GALNT2: variants seen among roughly 807,000 people sequenced by gnomAD.
GALNT2 encodes polypeptide N-acetylgalactosaminyltransferase 2.
GALNT2 carries 31 observed loss-of-function variants against 81.4 expected under a neutral mutation model. The observed-to-expected ratio is 0.38, with a 90% CI of 0.29 to 0.51. The LOEUF (loss-of-function observed/expected upper bound fraction) is 0.51. Ranked by LOEUF, GALNT2 falls within the 20% of genes least tolerant of loss-of-function variation. GALNT2 has a pLI of 0.87. For synonymous variants in GALNT2, 303 were observed against 287.4 expected, an observed-to-expected ratio of 1.05 and a Z score of -0.55; for missense variants, 629 against 765.7, an observed-to-expected ratio of 0.82 and a Z score of 2.11.
intron 3 of GALNT2, among the ~76,000 whole-genome samples, chr1:230,211,787 T>C (rs1254376591): frequency 6.6e-6 from 1 of 151,858 alleles, no homozygotes; most frequent in Admixed American, 6.6e-5. Context: ...AATAAAAAAT[T>C]TTATTTACTC....
chr1:230,144,393 A>G (rs1348136324), intron 1 of GALNT2, among the ~76,000 whole-genome samples: 1 of 152,370 alleles, frequency 6.6e-6, no homozygotes, highest in East Asian at 1.9e-4. Flanking sequence ...AGAGGATCAC[A>G]GAGCCAGCGT....
intron 2 of GALNT2, among the ~76,000 whole-genome samples, chr1:230,185,301 T>TGCGCGCGCGC (rs58067663): frequency 1.5e-3 from 183 of 126,116 alleles, no homozygotes; most frequent in Non-Finnish European, 2.3e-3. Flanking sequence ...TGTGTGTGTG[T>TGCGCGCGCGC]GCGCGCGTGT....
At chr1:230,158,184 CG>C (rs1395718317) in intron 1 of GALNT2, among the ~76,000 whole-genome samples, 1 of 151,512 alleles carries the variant, frequency 6.6e-6, no homozygotes. Flanking sequence ...TCGGGAGGCC[CG>C]GGTAGCAGGG....
chr1:230,121,645 T>A (rs1274337977), intron 1 of GALNT2, among the ~76,000 whole-genome samples: 1 of 152,166 alleles, frequency 6.6e-6, no homozygotes, highest in Non-Finnish European at 1.5e-5. Context: ...CTGCCTTTAG[T>A]AGGTTGCCAT....
intron 2 of GALNT2, among the ~76,000 whole-genome samples, chr1:230,183,594 T>C (rs899837496): frequency 2.6e-5 from 4 of 152,240 alleles, no homozygotes; most frequent in African/African-American, 9.6e-5. Context: ...CACATAAGCA[T>C]ATGTATATAA....
rs370782729 is a variant in GALNT2 at position 230,109,718 on chromosome 1, C to T, written c.126+42312C>T. Among the ~76,000 whole-genome samples the T allele has an allele frequency of 3.9e-5, 6 of 152,202 alleles. No homozygotes were observed. The East Asian group carries it at 7.8e-4, about 20-fold the overall frequency. ...TGGCAGGTGCCTGTAATCCCAGCTA[C>T]TCTGGAGGCTGAGGCAGAAGAATCA... is the stretch of plus-strand genomic sequence containing the variant. On this transcript the variant is annotated intron_variant, in intron 1 of 15. Coordinates refer to ENST00000366672, the MANE Select transcript of GALNT2 (RefSeq NM_004481.5).
At chr1:230,274,628 G>A (rs17710666) in intron 15 of GALNT2, 64 bp downstream of exon 15, 82,173 of 1,600,646 alleles carry the variant, frequency 0.051, 2,359 homozygotes, top group Non-Finnish European at 0.058. Context: ...CACGGCCTGC[G>A]CCCTCTTGCT....
intron 13 of GALNT2, chr1:230,264,704 A>G (rs553914156): frequency 8.9e-6 from 1 of 112,302 alleles, no homozygotes; most frequent in African/African-American, 3.9e-5. Flanking sequence ...CTTCAGAGAA[A>G]GTGAGTCTTG....
chr1:230,088,973 A>G (rs58643936), intron 1 of GALNT2, among the ~76,000 whole-genome samples: 2,843 of 152,206 alleles, frequency 0.019, 94 homozygotes, highest in African/African-American at 0.065. Flanking sequence ...TATCCATTCT[A>G]GATATTTCGT....
intron 1 of GALNT2, among the ~76,000 whole-genome samples, chr1:230,110,286 A>G (rs1660663033): frequency 1.3e-5 from 2 of 152,000 alleles, no homozygotes; most frequent in Non-Finnish European, 2.9e-5. Flanking sequence ...TTTTAGGGGG[A>G]CCAAAAGGAT....
chr1:230,232,642 C>G (rs1273515708), intron 3 of GALNT2, among the ~76,000 whole-genome samples: 1 of 152,256 alleles, frequency 6.6e-6, no homozygotes, highest in Non-Finnish European at 1.5e-5. Flanking sequence ...CAGAGGATAG[C>G]TGCCTCCTAA....
At chr1:230,276,482 C>A (rs982743613) in intron 15 of GALNT2, among the ~76,000 whole-genome samples, 3 of 152,188 alleles carry the variant, frequency 2.0e-5, no homozygotes, top group African/African-American at 7.2e-5. Context: ...CCTGATTTCA[C>A]AACAGAAAAG....
At chr1:230,083,052 A>G (rs1262553556) in intron 1 of GALNT2, among the ~76,000 whole-genome samples, 1 of 150,790 alleles carries the variant, frequency 6.6e-6, no homozygotes, top group Non-Finnish European at 1.5e-5. Context: ...GGAAGCTGGG[A>G]TGATGGAGCA....
intron 14 of GALNT2, among the ~76,000 whole-genome samples, chr1:230,266,889 G>A (rs1285972524): frequency 1.3e-5 from 2 of 152,222 alleles, no homozygotes; most frequent in Non-Finnish European, 2.9e-5. Flanking sequence ...CAGTCTCGAT[G>A]GTTCAGAATA....
intron 3 of GALNT2, among the ~76,000 whole-genome samples, chr1:230,224,264 G>A (rs1401842305): frequency 1.3e-5 from 2 of 152,230 alleles, no homozygotes; most frequent in Admixed American, 1.3e-4. Context: ...CTGATGAGCA[G>A]TGTGAGCTTC....
intron 1 of GALNT2, among the ~76,000 whole-genome samples, chr1:230,061,717 C>T (rs1659053267): frequency 6.6e-6 from 1 of 152,020 alleles, no homozygotes; most frequent in South Asian, 2.1e-4. Context: ...TCTACCTTTC[C>T]CTCCCACCCC....
At chr1:230,128,323 G>T (rs1661258082) in intron 1 of GALNT2, among the ~76,000 whole-genome samples, 1 of 151,848 alleles carries the variant, frequency 6.6e-6, no homozygotes, top group Non-Finnish European at 1.5e-5. Flanking sequence ...TGTGTACAAG[G>T]GCAGGCGTGT....
At chr1:230,081,117 G>T (rs536611776) in intron 1 of GALNT2, among the ~76,000 whole-genome samples, 1 of 152,314 alleles carries the variant, frequency 6.6e-6, no homozygotes, top group South Asian at 2.1e-4. Context: ...GCCTGAAACT[G>T]TCATTCCTAG....
At chr1:230,229,328 A>G (rs377404488) in intron 3 of GALNT2, among the ~76,000 whole-genome samples, 10 of 152,376 alleles carry the variant, frequency 6.6e-5, no homozygotes, top group African/African-American at 2.4e-4. Context: ...GCTCCTAAGC[A>G]TATAAGATGA....
Sources: allele counts gnomAD v4.1 joint callset (sites outside exome capture counted in the v4.1 genomes callset), GRCh38; gene constraint gnomAD v4.1.1; transcripts MANE v1.5; gene names NCBI Gene and HGNC (gene_info 2026-07-23, HGNC 2026-07-21).